The following SMC4 variants were observed in gnomAD, a reference collection of about 807,000 sequenced individuals.
The protein encoded by SMC4 is structural maintenance of chromosomes 4.
A neutral mutation model predicts 145.6 loss-of-function variants in SMC4; 87 were observed. That is an observed-to-expected ratio of 0.60 (90% CI 0.50 to 0.71). The LOEUF is 0.71. SMC4 is among the 30% of genes least tolerant of loss of function. The probability of loss-of-function intolerance (pLI) is 0.00; values close to 1 mark genes in which losing one functional copy is unlikely to be tolerated. For missense variants in SMC4, 1,447 were observed against 1,537.1 expected (o/e 0.94, Z 0.98); for synonymous variants, 558 against 500.7 (o/e 1.11, Z -1.53).
Position 160,402,169 on chromosome 3 carries a change from C to T in SMC4, c.318+76C>T. 8.2e-6 allele frequency: 8 copies of T among 976,608 alleles called. No homozygotes were observed. In the South Asian group the frequency reaches 1.7e-4, roughly 21 times the overall value. 60.5% of individuals were successfully genotyped at this position (976,608 alleles called of 1,614,324 possible). A position where few individuals can be genotyped will look rare whatever the true frequency, so the allele number is the denominator to read the frequency against. ...GGTAATACGTTTTTACAAGATGTTT[C>T]AGTTTTGTAACTATCCTAAAATTCA... On this transcript the variant is annotated intron_variant, in intron 3 of 23. Coordinates refer to ENST00000357388, the MANE Select transcript of SMC4 (RefSeq NM_001002800.3).
chr3:160,415,106 T>C, intron 9 of SMC4, among the ~76,000 whole-genome samples: 1 of 152,204 alleles, frequency 6.6e-6, no homozygotes, highest in Non-Finnish European at 1.5e-5. Flanking sequence ...GCACAATGGC[T>C]TACACCTGTA....
intron 3 of SMC4, 30 bp downstream of exon 3, chr3:160,402,123 C>T: frequency 1.4e-6 from 2 of 1,384,466 alleles, no homozygotes; most frequent in African/African-American, 1.5e-5. Context: ...TATTTTATAA[C>T]TTTTTAAATA....
At position 160,414,337 on chromosome 3, in the gene SMC4, TAATGACTTAC is replaced by T; in HGVS notation, c.1122-26_1122-17del. ...TTTTAAAATATGTGCACATTCAAAATAATGACTTACAATATACTTGCTTTGCTAGGAAACT... is the reference window on the plus strand; with the variant it reads ...TTTTAAAATATGTGCACATTCAAAATAATATACTTGCTTTGCTAGGAAACT... On this transcript the variant is annotated intron_variant, in intron 8 of 23. Transcript: ENST00000357388. 6.4e-7 allele frequency: 1 copy of T among 1,552,580 alleles called. No homozygotes were observed. Among genetic ancestry groups the T allele is most frequent in the Non-Finnish European group, 8.9e-7 (1 of 1,126,044 alleles).
At chr3:160,428,598 G>A (rs1468036944) in intron 17 of SMC4, among the ~76,000 whole-genome samples, 155 bp from the exon 18 acceptor site, 1 of 151,800 alleles carries the variant, frequency 6.6e-6, no homozygotes, top group Non-Finnish European at 1.5e-5. Context: ...TTTGATACAG[G>A]ATATCGTTTT....
intron 18 of SMC4, among the ~76,000 whole-genome samples, 183 bp downstream of exon 18, chr3:160,429,125 A>G (rs574129423): frequency 2.6e-5 from 4 of 152,202 alleles, no homozygotes; most frequent in Non-Finnish European, 5.9e-5. Flanking sequence ...CCTATGGCCA[A>G]TTAAAAAGGC....
Position 160,430,630 on chromosome 3 carries a change from C to G in SMC4, c.2827C>G (p.Arg943Gly), listed in dbSNP as rs777450711. Residue 943 changes from arginine (R) to glycine (G), a missense_variant, in exon 19 of 24, where the codon CGT (arginine) becomes GGT (glycine). Physicochemically the swap from Arg to Gly is moderately radical, Grantham distance 125. Coordinates refer to ENST00000357388, the MANE Select transcript of SMC4 (RefSeq NM_001002800.3). The part of the protein sequence containing the change: ...NLQKAQDSVL[R>G]TEKEIKDTEK... ...TCAAAAGGCACAAGACTCTGTCTTG[C>G]GTACAGAGAAAGAAATAAAAGATAC... 9.9e-6 allele frequency: 16 copies of G among 1,611,916 alleles called. No homozygotes were observed. The highest frequency in any genetic ancestry group is 2.2e-5 in the South Asian group (2 of 90,836).
intron 5 of SMC4, among the ~76,000 whole-genome samples, chr3:160,409,176 G>A (rs1158200829): frequency 2.1e-5 from 3 of 145,732 alleles, no homozygotes; most frequent in African/African-American, 7.5e-5. Flanking sequence ...TGAGGCAGGA[G>A]AATGGCGTGA....
Position 160,430,716 on chromosome 3 carries a change from GGTC to G in SMC4, c.2916_2918del (p.Val973del), listed in dbSNP as rs1170925909. ...AAAGTCTTGAGGACAAAGCAGCAGAGGTCGTAAAGAATACAAATGCTGCAGAGG... is the reference window on the plus strand; with the variant it reads ...AAAGTCTTGAGGACAAAGCAGCAGAGGTAAAGAATACAAATGCTGCAGAGG... On this transcript the variant is annotated inframe_deletion, in exon 19 of 24. Coordinates refer to ENST00000357388, the MANE Select transcript of SMC4 (RefSeq NM_001002800.3). The G allele has an allele frequency of 6.2e-7, 1 of 1,612,488 alleles. No homozygotes were observed. Among genetic ancestry groups the G allele is most frequent in the East Asian group, 2.2e-5 (1 of 44,838 alleles).
Position 160,417,729 on chromosome 3 carries a change from G to C in SMC4, c.1444G>C (p.Glu482Gln). 1 of 1,610,172 alleles carries C rather than the reference G, an allele frequency of 6.2e-7. No individual in the cohort carries two copies. The highest frequency in any genetic ancestry group is 8.5e-7 in the Non-Finnish European group (1 of 1,179,224). The part of the protein sequence containing the change: ...QGLQKEKESR[E>Q]KELMGFSKSV... ...TGAACTCATATTTTAACAGAGTCGA[G>C]AGAAAGAACTTATGGGTTTCAGCAA... The change falls in exon 11 of 24, where the codon GAG (glutamate) becomes CAG (glutamine). Residue 482 changes from glutamate (E) to glutamine (Q), a missense_variant. Coordinates refer to ENST00000357388, the MANE Select transcript of SMC4 (RefSeq NM_001002800.3).
rs1560018255 is a variant in SMC4, at chr3:160,433,137, C to T, written c.3642C>T (p.Pro1214=). 1 of 1,613,676 alleles carries T rather than the reference C, an allele frequency of 6.2e-7. No individual in the cohort carries two copies. The highest frequency in any genetic ancestry group is 1.3e-5 in the African/African-American group (1 of 75,024). ...VFALHHYKPT[P]LYFMDEIDAA... is the part of the protein sequence containing the mutation. ...CTCTTCACCACTACAAGCCCACTCC[C>T]CTTTACTTCATGGATGAGATTGATG... The change falls in exon 23 of 24, where the codon CCC becomes CCT. Residue 1214 remains proline, a synonymous_variant. Transcript: ENST00000357388.
In SMC4 at chr3:160,400,844, C is replaced by T. The variant is rs1714519323; in HGVS notation, c.18C>T (p.Thr6=). Residue 6 remains threonine (T), a synonymous_variant, in exon 2 of 24, where the codon ACC becomes ACT. Coordinates refer to ENST00000357388, the MANE Select transcript of SMC4 (RefSeq NM_001002800.3). ...CAGCGACCATGCCCCGTAAAGGCAC[C>T]CAGCCCTCCACTGCCCGGCGCAGAG... The part of the protein sequence containing the change: MPRKG[T]QPSTARRREE... The T allele has an allele frequency of 6.5e-7, 1 of 1,538,622 alleles. No homozygotes were observed. Among genetic ancestry groups the T allele is most frequent in the Non-Finnish European group, 8.7e-7 (1 of 1,152,406 alleles).
intron 23 of SMC4, 123 bp downstream of exon 23, chr3:160,433,332 TCTC>T (rs1718623721): frequency 1.5e-6 from 1 of 672,072 alleles, no homozygotes; most frequent in Admixed American, 2.9e-5. Context: ...TCCATCTCCA[TCTC>T]CTCTGGTATC....
At chr3:160,428,065 C>CG in intron 17 of SMC4, among the ~76,000 whole-genome samples, 1 of 152,182 alleles carries the variant, frequency 6.6e-6, no homozygotes, top group Non-Finnish European at 1.5e-5. Flanking sequence ...CAGTGAGCTG[C>CG]GATGGCGCCA....
At chr3:160,415,817 A>AT (rs1383392458) in intron 9 of SMC4, among the ~76,000 whole-genome samples, 1 of 152,362 alleles carries the variant, frequency 6.6e-6, no homozygotes, top group African/African-American at 2.4e-5. Flanking sequence ...GCCCTACATG[A>AT]TGACTCTGGA....
chr3:160,404,084 G>A (rs971547930), intron 4 of SMC4: 27 of 391,728 alleles, frequency 6.9e-5, no homozygotes, highest in East Asian at 5.1e-5. Flanking sequence ...GGGTTTTTTC[G>A]TTGGCTGGTT....
chr3:160,418,668 T>C (rs528890391), intron 11 of SMC4, among the ~76,000 whole-genome samples: 2 of 152,342 alleles, frequency 1.3e-5, no homozygotes, highest in East Asian at 3.9e-4. Context: ...ATTCGGTTTC[T>C]TTTGGGATGA....
intron 9 of SMC4, among the ~76,000 whole-genome samples, chr3:160,414,990 A>T (rs1260087523): frequency 2.0e-5 from 3 of 152,202 alleles, no homozygotes; most frequent in African/African-American, 7.2e-5. Context: ...GTTTTTAAAG[A>T]TATTTAAGTT....
chr3:160,401,265 C>T (rs1233665843), intron 2 of SMC4, among the ~76,000 whole-genome samples: 1 of 151,946 alleles, frequency 6.6e-6, no homozygotes, highest in African/African-American at 2.4e-5. Context: ...ATTGTATTCC[C>T]GCTAAAATCG....
At position 160,432,405 on chromosome 3, in the gene SMC4, TATA is replaced by T. The variant is rs1379858782; in HGVS notation, c.3425_3427del (p.Ile1142del). On this transcript the variant is annotated inframe_deletion, in exon 22 of 24. Transcript: ENST00000357388. The stretch of plus-strand genomic sequence containing the variant: ...TTAATGAATTTATGGCAGGTTTTTA[TATA>T]ATAACAAATAAATTAAAGGAAAATT... 1.9e-6 allele frequency: 3 copies of T among 1,613,110 alleles called. No homozygotes were observed. In the South Asian group the frequency reaches 3.3e-5, roughly 18 times the overall value.
Sources: gnomAD v4.1 joint callset for allele counts (sites outside exome capture counted in the v4.1 genomes callset) on GRCh38, gnomAD v4.1.1 for gene constraint, MANE v1.5 for transcripts, NCBI Gene and HGNC (gene_info 2026-07-23, HGNC 2026-07-21) for gene names.